TBL1Y: variants seen among roughly 807,000 people sequenced by gnomAD.
TBL1Y encodes F-box-like/WD repeat-containing protein TBL1Y.
In TBL1Y, 15 loss-of-function variants were observed where a neutral mutation model predicts 12.0. The ratio of observed to expected loss-of-function variants is 1.25; its 90% CI spans 0.83 to 1.92. The LOEUF (loss-of-function observed/expected upper bound fraction) is 1.92. TBL1Y is among the 40% of genes most tolerant of loss of function. TBL1Y has a pLI of 0.00. For synonymous variants in TBL1Y, 53 were observed against 42.6 expected, an observed-to-expected ratio of 1.24 and a Z score of -0.95; for missense variants, 148 against 116.7, an observed-to-expected ratio of 1.27 and a Z score of -1.24.
intron 6 of TBL1Y, among the ~76,000 whole-genome samples, chrY:7,041,127 C>A (rs530521972): frequency 2.9e-5 from 1 of 33,991 alleles, no homozygotes; most frequent in Non-Finnish European, 7.3e-5. Flanking sequence ...TTACTGGCTA[C>A]CCTGGCTTGG....
intron 3 of TBL1Y, among the ~76,000 whole-genome samples, chrY:6,979,491 T>C (rs754026930): frequency 2.9e-5 from 1 of 33,949 alleles, no homozygotes; most frequent in East Asian, 7.8e-4. Context: ...TCCTGAATAT[T>C]TGTTTCCCTT....
intron 13 of TBL1Y, among the ~76,000 whole-genome samples, chrY:7,076,448 C>A: frequency 6.1e-5 from 2 of 32,631 alleles, no homozygotes; most frequent in Non-Finnish European, 1.5e-4. Flanking sequence ...TATGTCTAGG[C>A]ATTTCTTGCT....
At chrY:7,078,650 C>T in intron 13 of TBL1Y, among the ~76,000 whole-genome samples, 1 of 33,706 alleles carries the variant, frequency 3.0e-5, no homozygotes, top group South Asian at 6.8e-4. Flanking sequence ...CTTTTCACAT[C>T]CCTAAGTTAG....
chrY:6,933,345 G>A, intron 2 of TBL1Y, among the ~76,000 whole-genome samples: 1 of 33,652 alleles, frequency 3.0e-5, no homozygotes, highest in African/African-American at 1.2e-4. Context: ...GGGAAAGAAG[G>A]CAAGTATAAT....
At chrY:7,039,102 G>A in intron 6 of TBL1Y, among the ~76,000 whole-genome samples, 1 of 33,546 alleles carries the variant, frequency 3.0e-5, no homozygotes, top group South Asian at 6.8e-4. Context: ...TGCAGGCAGG[G>A]CTGGCCCTGG....
intron 3 of TBL1Y, 61 bp downstream of exon 3, chrY:6,978,304 T>C (rs2012258752): frequency 3.5e-4 from 12 of 34,165 alleles, no homozygotes; most frequent in Admixed American, 2.9e-3. Context: ...TTGCTGGCTG[T>C]TTTGTTATAT....
chrY:6,949,914 A>G (rs2012012352), intron 2 of TBL1Y, among the ~76,000 whole-genome samples: 1 of 33,666 alleles, frequency 3.0e-5, no homozygotes, highest in African/African-American at 1.2e-4. Flanking sequence ...GAATAAGTAA[A>G]TTATTTTCCA....
chrY:6,960,245 C>T, intron 2 of TBL1Y, among the ~76,000 whole-genome samples: 1 of 33,832 alleles, frequency 3.0e-5, no homozygotes, highest in East Asian at 7.8e-4. Context: ...AAACAATCTA[C>T]AGTTTTCACA....
chrY:7,066,498 C>T (rs750378835), intron 8 of TBL1Y, among the ~76,000 whole-genome samples: 3 of 32,793 alleles, frequency 9.1e-5, no homozygotes, highest in Admixed American at 5.6e-4. Context: ...CTCCCAGTAG[C>T]TGGGACTACA....
intron 8 of TBL1Y, among the ~76,000 whole-genome samples, chrY:7,069,024 T>A (rs2013005177): frequency 3.4e-5 from 1 of 29,589 alleles, no homozygotes; most frequent in East Asian, 8.9e-4. Flanking sequence ...TTTTATTTTT[T>A]AAATGTAGAA....
In TBL1Y at chrY:7,044,265, C is replaced by G. The variant is rs763332448; in HGVS notation, c.204+1140C>G. ...GGTCTTCCTCTGCAACCAGGCTTGA[C>G]TGCAGAGGCACTATCACAGTTCACT... On this transcript the variant is annotated intron_variant, in intron 7 of 18. Transcript: ENST00000383032. Among the ~76,000 whole-genome samples, 5 of 33,155 alleles carry G rather than the reference C, an allele frequency of 1.5e-4. No individual in the cohort carries two copies. The East Asian group carries it at 4.1e-3, about 27-fold the overall frequency. 89.0% of individuals were successfully genotyped at this position (33,155 alleles called of 37,273 possible). A position where few individuals can be genotyped will look rare whatever the true frequency, so the allele number is the denominator to read the frequency against.
intron 8 of TBL1Y, 107 bp from the exon 9 acceptor site, chrY:7,070,089 T>C: frequency 4.5e-6 from 1 of 224,609 alleles, no homozygotes; most frequent in Non-Finnish European, 7.6e-6. Flanking sequence ...TTAGAGGTAG[T>C]GTTACTTAGT....
intron 3 of TBL1Y, among the ~76,000 whole-genome samples, chrY:6,988,689 A>AATAT (rs2012340805): frequency 3.2e-5 from 1 of 30,877 alleles, no homozygotes; most frequent in South Asian, 7.6e-4. Context: ...TAAATAAATA[A>AATAT]ATAAATAAAT....
At chrY:7,015,131 G>A (rs893529720) in intron 4 of TBL1Y, among the ~76,000 whole-genome samples, 2 of 33,465 alleles carry the variant, frequency 6.0e-5, no homozygotes, top group African/African-American at 1.2e-4. Context: ...ATTAGAGAAC[G>A]CAGAGTCTTC....
At chrY:7,012,402 T>C (rs2012525192) in intron 4 of TBL1Y, among the ~76,000 whole-genome samples, 1 of 33,766 alleles carries the variant, frequency 3.0e-5, no homozygotes, top group African/African-American at 1.2e-4. Flanking sequence ...ACAGTCCAAG[T>C]AACTGCATAA....
intron 8 of TBL1Y, among the ~76,000 whole-genome samples, chrY:7,065,504 A>G (rs987795815): frequency 5.9e-5 from 2 of 33,765 alleles, no homozygotes; most frequent in Non-Finnish European, 1.5e-4. Flanking sequence ...TACATCACAG[A>G]AAGTAATTTG....
chrY:7,073,616 G>T (rs2013046670), intron 12 of TBL1Y, among the ~76,000 whole-genome samples: 1 of 33,265 alleles, frequency 3.0e-5, no homozygotes, highest in African/African-American at 1.2e-4. Flanking sequence ...ATTGGTTGAG[G>T]GCTGACCCAA....
At chrY:7,052,348 C>A (rs961025302) in intron 7 of TBL1Y, among the ~76,000 whole-genome samples, 1 of 33,602 alleles carries the variant, frequency 3.0e-5, no homozygotes, top group Non-Finnish European at 7.3e-5. Context: ...ATGATCCAAT[C>A]CCTTAGAACC....
At chrY:7,063,199 A>G (rs2012901157) in intron 7 of TBL1Y, among the ~76,000 whole-genome samples, 1 of 33,379 alleles carries the variant, frequency 3.0e-5, no homozygotes, top group Admixed American at 2.7e-4. Context: ...TTATATATAA[A>G]GTTTTGGTGC....
Sources: allele counts gnomAD v4.1 joint callset (sites outside exome capture counted in the v4.1 genomes callset), GRCh38; gene constraint gnomAD v4.1.1; transcripts MANE v1.5; gene names NCBI Gene and HGNC (gene_info 2026-07-23, HGNC 2026-07-21).